Variants in PCDHA8 observed in about 807,000 individuals in gnomAD.
PCDHA8 encodes the protein protocadherin alpha-8.
In PCDHA8, 53 loss-of-function variants were observed where a neutral mutation model predicts 61.8. The observed-to-expected ratio is 0.86, with a 90% CI of 0.69 to 1.08. PCDHA8 has a LOEUF of 1.08. PCDHA8 is among the 50% of genes least tolerant of loss of function. The pLI is 0.00. For synonymous variants in PCDHA8, 618 were observed against 556.6 expected, an observed-to-expected ratio of 1.11 and a Z score of -1.55; for missense variants, 1,293 against 1,245.0, an observed-to-expected ratio of 1.04 and a Z score of -0.58.
In PCDHA8 at chr5:140,928,114, A is replaced by C. The variant is rs200013855; in HGVS notation, c.2395-50835A>C. ...TGATGGGCCCCTGGACCGGGAGCAG[A>C]TCAGTGAATACCAAGTCCTGATCAC... On this transcript the variant is annotated intron_variant, in intron 1 of 3. Coordinates refer to ENST00000531613, the MANE Select transcript of PCDHA8 (RefSeq NM_018911.3). 280 of 1,614,088 alleles carry C rather than the reference A, an allele frequency of 1.7e-4. No individual in the cohort carries two copies. Among genetic ancestry groups the C allele is most frequent in the Middle Eastern group, 6.6e-4 (4 of 6,084 alleles).
Position 140,882,813 on chromosome 5 carries a change from C to A in PCDHA8, c.2394+39098C>A, listed in dbSNP as rs782169035. 2 of 1,614,058 alleles carry A rather than the reference C, an allele frequency of 1.2e-6. No individual in the cohort carries two copies. The highest frequency in any genetic ancestry group is 3.3e-5 in the Admixed American group (2 of 60,002). On this transcript the variant is annotated intron_variant, in intron 1 of 3. Transcript: ENST00000531613. ...CCCAACGATTATTTCACTTTGGACG[C>A]ACAAAACAGTCTTGAGCAAATGTCT...
rs189949937 is a variant in PCDHA8 at position 140,920,653 on chromosome 5, T to C, written c.2395-58296T>C. On this transcript the variant is annotated intron_variant, in intron 1 of 3. Coordinates refer to ENST00000531613, the MANE Select transcript of PCDHA8 (RefSeq NM_018911.3). ...AAGGTCAAGAGATTGAGACCATCCT[T>C]GCCAACATGGTGAAACCCCATCTCT... is the stretch of plus-strand genomic sequence containing the variant. Among the ~76,000 whole-genome samples, 1,219 of 152,042 alleles carry C rather than the reference T, an allele frequency of 8.0e-3. 5 individuals carry two copies. Among genetic ancestry groups the C allele is most frequent in the African/African-American group, 0.019 (786 of 41,502 alleles).
At chr5:141,009,604 A>T (rs782247768) in intron 3 of PCDHA8, 23 bp from the exon 4 acceptor site, 2 of 1,608,944 alleles carry the variant, frequency 1.2e-6, no homozygotes, top group East Asian at 4.5e-5. Context: ...CCTGTTAATG[A>T]TTTGTAATGT....
chr5:140,852,752 C>T (rs2042460960), intron 1 of PCDHA8: 1 of 983,598 alleles, frequency 1.0e-6, no homozygotes, highest in Non-Finnish European at 1.2e-6. Context: ...TAAACTTGGA[C>T]CCAGGTATCT....
rs2150330149 is a variant in PCDHA8, at chr5:140,842,131, T to A, written c.810T>A (p.Asp270Glu). Residue 270 changes from aspartate (D) to glutamate (E), a missense_variant, in exon 1 of 4, where the codon GAT becomes GAA. Transcript: ENST00000531613. The stretch of plus-strand genomic sequence containing the variant: ...TCAAACTGAATGCTTCTGATCCGGA[T>A]GAAGGAGCCAATGGGGCAATTTCAT... Reference protein sequence around the residue: ...TVIKLNASDPDEGANGAISYS... With the variant: ...TVIKLNASDPEEGANGAISYS... 6.2e-7 allele frequency: 1 copy of A among 1,613,890 alleles called. No individual in the cohort carries two copies. The highest frequency in any genetic ancestry group is 1.1e-5 in the South Asian group (1 of 91,060).
At chr5:140,891,424 G>A (rs932574419) in intron 1 of PCDHA8, among the ~76,000 whole-genome samples, 1 of 146,144 alleles carries the variant, frequency 6.8e-6, no homozygotes, top group Non-Finnish European at 1.5e-5. Context: ...TTGCCCCCAA[G>A]TCCCCAACGT....
chr5:140,848,620 G>A lies in PCDHA8; in HGVS notation c.2394+4905G>A, dbSNP rs149227021. 3.5e-4 allele frequency: 562 copies of A among 1,593,402 alleles called. 59 individuals are homozygous for A. Among genetic ancestry groups the A allele is most frequent in the Non-Finnish European group, 4.4e-4 (511 of 1,163,966 alleles). On this transcript the variant is annotated intron_variant, in intron 1 of 3. Coordinates refer to ENST00000531613, the MANE Select transcript of PCDHA8 (RefSeq NM_018911.3). Reference sequence around the variant, plus strand: ...TCCGTCCCGGAGGAAGCCGAACACGGCACCTTCGTGGGCCGCATCGCGCAG... The same window carrying A: ...TCCGTCCCGGAGGAAGCCGAACACGACACCTTCGTGGGCCGCATCGCGCAG...
chr5:140,875,176 A>G, intron 1 of PCDHA8: 1 of 397,444 alleles, frequency 2.5e-6, no homozygotes, highest in Non-Finnish European at 4.2e-6. Context: ...TCGAAACATT[A>G]GAATTAAGAG....
In PCDHA8 at chr5:140,856,840, C is replaced by T. The variant is rs782759448; in HGVS notation, c.2394+13125C>T. On this transcript the variant is annotated intron_variant, in intron 1 of 3. Transcript: ENST00000531613. ...ACCAAACATTAGTAATACGGCTCAA[C>T]GCTTCTGATTCGGATGAAGGAATAA... is the stretch of plus-strand genomic sequence containing the variant. The T allele has an allele frequency of 7.5e-6, 12 of 1,591,778 alleles. 2 individuals are homozygous for T. The highest frequency in any genetic ancestry group is 4.0e-5 in the African/African-American group (3 of 74,140).
At chr5:140,866,566 A>C (rs1554160398) in intron 1 of PCDHA8, 1 of 152,154 alleles carries the variant, frequency 6.6e-6, no homozygotes, top group Non-Finnish European at 1.5e-5. Context: ...TAATTTTGTT[A>C]ATACAGTGGT....
At chr5:140,989,321 C>A (rs898791820) in intron 3 of PCDHA8, among the ~76,000 whole-genome samples, 6 of 152,178 alleles carry the variant, frequency 3.9e-5, no homozygotes, top group Non-Finnish European at 7.3e-5. Flanking sequence ...GTCTCACCAA[C>A]TTTGCCACCT....
chr5:140,887,526 C>G (rs914597781), intron 1 of PCDHA8, among the ~76,000 whole-genome samples: 10 of 152,086 alleles, frequency 6.6e-5, no homozygotes, highest in Admixed American at 1.3e-4. Flanking sequence ...ATATATGAGT[C>G]TTCCTCTCCC....
chr5:140,883,768 C>T, intron 1 of PCDHA8: 1 of 1,612,160 alleles, frequency 6.2e-7, no homozygotes, highest in Non-Finnish European at 8.5e-7. Flanking sequence ...GGCGGGTGGG[C>T]GAGCGTGCGC....
chr5:140,843,361 G>T lies in PCDHA8; in HGVS notation c.2040G>T (p.Ser680=). 1 of 1,596,046 alleles carries T rather than the reference G, an allele frequency of 6.3e-7. No homozygotes were observed. Among genetic ancestry groups the T allele is most frequent in the South Asian group, 1.1e-5 (1 of 90,510 alleles). ...GCGGCCAGGCTCCAAAAGCGTCATC[G>T]AGGCAGTCGGCTGGCGTTTTGGGTC... The part of the protein sequence containing the change: ...VESGQAPKAS[S]RQSAGVLGPE... The change falls in exon 1 of 4, where the codon TCG becomes TCT. Residue 680 remains serine, a synonymous_variant. Transcript: ENST00000531613.
At chr5:140,853,128 C>T (rs2150528900) in intron 1 of PCDHA8, 17 of 607,300 alleles carry the variant, frequency 2.8e-5, no homozygotes, top group Non-Finnish European at 3.6e-5. Flanking sequence ...ATCCTCCCGC[C>T]TCAGCCTCCC....
intron 1 of PCDHA8, chr5:140,850,690 G>A: frequency 6.3e-7 from 1 of 1,598,402 alleles, no homozygotes; most frequent in Non-Finnish European, 8.6e-7. Context: ...GAGGGCGAGT[G>A]CGCGCCTGGC....
intron 1 of PCDHA8, among the ~76,000 whole-genome samples, chr5:140,880,884 G>A (rs540368068): frequency 2.0e-5 from 3 of 152,304 alleles, no homozygotes; most frequent in South Asian, 4.1e-4. Flanking sequence ...ATAAAGAAAT[G>A]TAGGGCCAGA....
chr5:140,873,657 C>T (rs1270824058), intron 1 of PCDHA8, among the ~76,000 whole-genome samples: 1 of 152,206 alleles, frequency 6.6e-6, no homozygotes, highest in Non-Finnish European at 1.5e-5. Flanking sequence ...ACATAACACA[C>T]TATTATTATT....
intron 1 of PCDHA8, chr5:140,928,916 G>A (rs1287378711): frequency 5.0e-6 from 8 of 1,613,988 alleles, no homozygotes; most frequent in East Asian, 2.2e-5. Flanking sequence ...GAACCAGGAG[G>A]GCAGCTTTCT....
Sources: gnomAD v4.1 joint callset for allele counts (sites outside exome capture counted in the v4.1 genomes callset) on GRCh38, gnomAD v4.1.1 for gene constraint, MANE v1.5 for transcripts, NCBI Gene and HGNC (gene_info 2026-07-23, HGNC 2026-07-21) for gene names.